CYYR1: variants seen among roughly 807,000 people sequenced by gnomAD.
CYYR1 encodes the protein cysteine and tyrosine rich 1.
In CYYR1, 14 loss-of-function variants were observed where a neutral mutation model predicts 15.2. The ratio of observed to expected loss-of-function variants is 0.92; its 90% CI spans 0.61 to 1.44. The LOEUF (loss-of-function observed/expected upper bound fraction) is 1.44. Among genes scored for constraint, CYYR1 ranks in the 40% most tolerant of loss-of-function variants. CYYR1 has a pLI of 0.00. For missense variants in CYYR1, 228 were observed against 209.5 expected (o/e 1.09, Z -0.54); for synonymous variants, 80 against 77.4 (o/e 1.03, Z -0.18).
chr21:26,469,789 T>C (rs954283929), intron 3 of CYYR1, among the ~76,000 whole-genome samples: 2 of 152,196 alleles, frequency 1.3e-5, no homozygotes, highest in Non-Finnish European at 2.9e-5. Context: ...CCTACCCTTC[T>C]CAGCCTCTAG....
chr21:26,571,932 T>A (rs1054012257), intron 1 of CYYR1, among the ~76,000 whole-genome samples: 1 of 152,232 alleles, frequency 6.6e-6, no homozygotes, highest in East Asian at 1.9e-4. Flanking sequence ...GACTCTTTTC[T>A]AGCAAGGTTG....
chr21:26,566,145 T>C (rs759960890), intron 2 of CYYR1, 121 bp downstream of exon 2: 1 of 678,788 alleles, frequency 1.5e-6, no homozygotes. Context: ...AAAGATTTCA[T>C]GTCAATAACC....
chr21:26,555,145 C>T (rs1200867695), intron 2 of CYYR1, among the ~76,000 whole-genome samples: 1 of 152,116 alleles, frequency 6.6e-6, no homozygotes, highest in African/African-American at 2.4e-5. Flanking sequence ...TACTGTTAAT[C>T]AAGAATAGAA....
intron 2 of CYYR1, among the ~76,000 whole-genome samples, chr21:26,539,872 T>C (rs886655720): frequency 6.6e-6 from 1 of 152,226 alleles, no homozygotes; most frequent in Non-Finnish European, 1.5e-5. Context: ...AACCAGAAGC[T>C]TTGATGCATT....
At chr21:26,565,732 C>T (rs1347762228) in intron 2 of CYYR1, among the ~76,000 whole-genome samples, 2 of 152,174 alleles carry the variant, frequency 1.3e-5, no homozygotes, top group South Asian at 4.1e-4. Context: ...ATTACTCATA[C>T]CTAGCTTGTC....
At chr21:26,540,513 G>C (rs1978475566) in intron 2 of CYYR1, among the ~76,000 whole-genome samples, 1 of 152,060 alleles carries the variant, frequency 6.6e-6, no homozygotes, top group African/African-American at 2.4e-5. Flanking sequence ...ATCACATTTT[G>C]CACATAAACT....
At chr21:26,555,513 T>G (rs1375197767) in intron 2 of CYYR1, among the ~76,000 whole-genome samples, 1 of 152,204 alleles carries the variant, frequency 6.6e-6, no homozygotes, top group African/African-American at 2.4e-5. Context: ...CATGTTTTTC[T>G]CTATTTTTGC....
chr21:26,531,873 C>G (rs1475564667), intron 2 of CYYR1, among the ~76,000 whole-genome samples: 1 of 151,986 alleles, frequency 6.6e-6, no homozygotes, highest in Admixed American at 6.6e-5. Flanking sequence ...AGTTTTCAAA[C>G]CTTTAAGGTT....
intron 1 of CYYR1, among the ~76,000 whole-genome samples, chr21:26,572,317 G>A (rs1981057194): frequency 6.6e-6 from 1 of 152,180 alleles, no homozygotes; most frequent in African/African-American, 2.4e-5. Context: ...GAAACCAGAT[G>A]CCCTTCTCTT....
chr21:26,526,195 C>G (rs1013130377), intron 2 of CYYR1, among the ~76,000 whole-genome samples: 1 of 152,110 alleles, frequency 6.6e-6, no homozygotes, highest in African/African-American at 2.4e-5. Context: ...TGCCTGTAAT[C>G]CTAGCACTTT....
intron 2 of CYYR1, among the ~76,000 whole-genome samples, chr21:26,509,241 A>G: frequency 6.6e-6 from 1 of 152,090 alleles, no homozygotes; most frequent in Non-Finnish European, 1.5e-5. Flanking sequence ...TGCTCCTAAA[A>G]CATCAAATGC....
chr21:26,539,159 A>T (rs1256050749), intron 2 of CYYR1, among the ~76,000 whole-genome samples: 7 of 152,198 alleles, frequency 4.6e-5, no homozygotes, highest in African/African-American at 1.4e-4. Flanking sequence ...TTTAAAATAA[A>T]AATGAATTAT....
intron 1 of CYYR1, among the ~76,000 whole-genome samples, chr21:26,567,355 G>C (rs940965504): frequency 2.0e-5 from 3 of 152,150 alleles, no homozygotes. Flanking sequence ...ATATAAAACA[G>C]TACTATGTGA....
intron 2 of CYYR1, among the ~76,000 whole-genome samples, chr21:26,563,107 A>G (rs937905623): frequency 6.6e-6 from 1 of 152,170 alleles, no homozygotes; most frequent in Non-Finnish European, 1.5e-5. Context: ...TACTAAAGCC[A>G]GTATCTGTGA....
In CYYR1 at chr21:26,536,817, G is replaced by A. The variant is rs572205149; in HGVS notation, c.176+29449C>T. On this transcript the variant is annotated intron_variant, in intron 2 of 3. Transcript: ENST00000652641. Reference sequence around the variant, plus strand: ...TCTTCTGCATTCTCCCCCACCAAGCGACATCATTTCTATACTCTTTAGACT... The same window carrying A: ...TCTTCTGCATTCTCCCCCACCAAGCAACATCATTTCTATACTCTTTAGACT... Among the ~76,000 whole-genome samples the A allele has an allele frequency of 2.0e-4, 30 of 152,148 alleles. 1 individual carries two copies. In the South Asian group the frequency reaches 5.8e-3, roughly 29 times the overall value.
intron 2 of CYYR1, among the ~76,000 whole-genome samples, chr21:26,500,057 G>T (rs73179264): frequency 0.055 from 8,441 of 152,092 alleles, 285 homozygotes; most frequent in Middle Eastern, 0.11. Flanking sequence ...TGGCAAATTT[G>T]GTTCTTGGTG....
intron 2 of CYYR1, among the ~76,000 whole-genome samples, chr21:26,516,439 TG>T (rs1295649487): frequency 3.9e-5 from 6 of 152,240 alleles, no homozygotes; most frequent in Admixed American, 3.9e-4. Flanking sequence ...GCAAATCCAT[TG>T]CTATTGAAGT....
chr21:26,510,581 C>T (rs1011611553), intron 2 of CYYR1, among the ~76,000 whole-genome samples: 1 of 152,124 alleles, frequency 6.6e-6, no homozygotes, highest in African/African-American at 2.4e-5. Flanking sequence ...GCAATGTAGT[C>T]TATTGTTGCA....
intron 3 of CYYR1, among the ~76,000 whole-genome samples, chr21:26,469,028 A>G (rs1310736223): frequency 6.6e-6 from 1 of 152,204 alleles, no homozygotes; most frequent in Non-Finnish European, 1.5e-5. Context: ...AATGCAATGT[A>G]GAATGTATAA....
Sources: allele counts gnomAD v4.1 joint callset (sites outside exome capture counted in the v4.1 genomes callset), GRCh38; gene constraint gnomAD v4.1.1; transcripts MANE v1.5; gene names NCBI Gene and HGNC (gene_info 2026-07-23, HGNC 2026-07-21).